HCN1: variants seen among roughly 807,000 people sequenced by gnomAD.
HCN1 encodes the protein potassium/sodium hyperpolarization-activated cyclic nucleotide-gated channel 1.
In HCN1, 13 loss-of-function variants were observed where a neutral mutation model predicts 78.9. The ratio of observed to expected loss-of-function variants is 0.16; its 90% CI spans 0.11 to 0.26. HCN1 has a LOEUF of 0.26. Among genes scored for constraint, HCN1 ranks in the 10% least tolerant of loss-of-function variants. The pLI is 1.00. For missense variants in HCN1, 810 were observed against 1,154.3 expected (o/e 0.70, Z 4.32); for synonymous variants, 552 against 455.5 (o/e 1.21, Z -2.70).
chr5:45,462,804 T>C (rs1741188077), intron 2 of HCN1, among the ~76,000 whole-genome samples: 1 of 151,980 alleles, frequency 6.6e-6, no homozygotes, highest in Non-Finnish European at 1.5e-5. Context: ...CATCTTTACA[T>C]CTGTAACTAC....
intron 5 of HCN1, among the ~76,000 whole-genome samples, chr5:45,350,078 G>C (rs1218177667): frequency 6.6e-6 from 1 of 152,040 alleles, no homozygotes; most frequent in Non-Finnish European, 1.5e-5. Flanking sequence ...CCAAAAAAAA[G>C]AATTTTAGAC....
At chr5:45,411,241 T>C (rs913709818) in intron 3 of HCN1, among the ~76,000 whole-genome samples, 2 of 152,074 alleles carry the variant, frequency 1.3e-5, no homozygotes, top group African/African-American at 4.8e-5. Flanking sequence ...TTATTCTCTC[T>C]CAGGCATATC....
chr5:45,275,357 C>T (rs1745035499), intron 6 of HCN1, among the ~76,000 whole-genome samples: 1 of 151,942 alleles, frequency 6.6e-6, no homozygotes, highest in African/African-American at 2.4e-5. Context: ...TACAATATAC[C>T]AAATAGGCAA....
chr5:45,557,253 T>C (rs893856102), intron 2 of HCN1, among the ~76,000 whole-genome samples: 19 of 152,082 alleles, frequency 1.2e-4, no homozygotes, highest in African/African-American at 4.6e-4. Flanking sequence ...TTTTCTTCAA[T>C]GCAATACACA....
chr5:45,691,221 G>A (rs950209517), intron 1 of HCN1, among the ~76,000 whole-genome samples: 6 of 131,326 alleles, frequency 4.6e-5, no homozygotes, highest in Non-Finnish European at 9.0e-5. Flanking sequence ...CAACAGGCAC[G>A]TTCATAAACC....
intron 2 of HCN1, among the ~76,000 whole-genome samples, chr5:45,637,187 G>C (rs911503960): frequency 1.3e-5 from 2 of 152,136 alleles, no homozygotes; most frequent in African/African-American, 4.8e-5. Flanking sequence ...ACTTAGGTAT[G>C]AAAGTGGCCA....
intron 2 of HCN1, among the ~76,000 whole-genome samples, chr5:45,549,084 T>C (rs1486771602): frequency 4.6e-5 from 7 of 151,810 alleles, no homozygotes; most frequent in African/African-American, 1.7e-4. Context: ...AGGTAATTTA[T>C]AGATTCAATG....
At chr5:45,563,862 T>C (rs890462493) in intron 2 of HCN1, among the ~76,000 whole-genome samples, 14 of 152,176 alleles carry the variant, frequency 9.2e-5, no homozygotes, top group African/African-American at 3.1e-4. Context: ...CAAAAATATA[T>C]AAGTCCACTT....
chr5:45,277,460 A>C (rs569608081), intron 6 of HCN1, among the ~76,000 whole-genome samples: 3 of 152,128 alleles, frequency 2.0e-5, no homozygotes, highest in Admixed American at 6.6e-5. Flanking sequence ...GAACCTAAAC[A>C]TAAACAAAAC....
intron 6 of HCN1, among the ~76,000 whole-genome samples, chr5:45,301,784 T>G (rs1745627256): frequency 6.7e-6 from 1 of 149,798 alleles, no homozygotes; most frequent in South Asian, 2.1e-4. Context: ...TAAAACCCGC[T>G]TACAGAACAT....
chr5:45,569,850 A>C (rs989189266), intron 2 of HCN1, among the ~76,000 whole-genome samples: 7 of 152,026 alleles, frequency 4.6e-5, no homozygotes, highest in East Asian at 1.9e-4. Context: ...CCTTATCCTC[A>C]TCATCATCAT....
intron 6 of HCN1, among the ~76,000 whole-genome samples, chr5:45,285,041 G>A (rs1391451317): frequency 6.6e-6 from 1 of 152,036 alleles, no homozygotes; most frequent in Non-Finnish European, 1.5e-5. Context: ...TTAGGGTCAT[G>A]CTTCACTTTG....
At chr5:45,392,068 T>C (rs1052277213) in intron 4 of HCN1, among the ~76,000 whole-genome samples, 1 of 152,116 alleles carries the variant, frequency 6.6e-6, no homozygotes, top group African/African-American at 2.4e-5. Flanking sequence ...TACATCCAAA[T>C]TTTTCTTGAA....
At chr5:45,387,142 T>C (rs1747938879) in intron 4 of HCN1, among the ~76,000 whole-genome samples, 1 of 151,932 alleles carries the variant, frequency 6.6e-6, no homozygotes, top group South Asian at 2.1e-4. Context: ...AAGTGGTTTA[T>C]AGTTGTCTCA....
chr5:45,670,933 A>G (rs947999087), intron 1 of HCN1, among the ~76,000 whole-genome samples: 1 of 151,716 alleles, frequency 6.6e-6, no homozygotes, highest in Non-Finnish European at 1.5e-5. Flanking sequence ...CGGTTACTTT[A>G]TTATAGTTAC....
chr5:45,677,591 G>T (rs927535136), intron 1 of HCN1, among the ~76,000 whole-genome samples: 9 of 151,782 alleles, frequency 5.9e-5, no homozygotes, highest in African/African-American at 1.7e-4. Context: ...TTACTTATTT[G>T]GCTTGTTTAA....
intron 2 of HCN1, among the ~76,000 whole-genome samples, chr5:45,553,598 C>T (rs568615735): frequency 6.6e-6 from 1 of 151,982 alleles, no homozygotes; most frequent in East Asian, 2.0e-4. Context: ...TCCACAGATG[C>T]TCATCACTGA....
chr5:45,306,215 T>A (rs553082856), intron 5 of HCN1, among the ~76,000 whole-genome samples: 1 of 152,224 alleles, frequency 6.6e-6, no homozygotes, highest in South Asian at 2.1e-4. Context: ...AGAGTTTTCA[T>A]ATAAAAATAA....
intron 1 of HCN1, among the ~76,000 whole-genome samples, chr5:45,666,585 A>G (rs1746054023): frequency 6.6e-6 from 1 of 152,072 alleles, no homozygotes; most frequent in East Asian, 1.9e-4. Context: ...TCCTTCATAT[A>G]CATAAAATAT....
Sources: allele counts gnomAD v4.1 joint callset (sites outside exome capture counted in the v4.1 genomes callset), GRCh38; gene constraint gnomAD v4.1.1; transcripts MANE v1.5; gene names NCBI Gene and HGNC (gene_info 2026-07-23, HGNC 2026-07-21).